Variants in PLEKHG7 observed in about 807,000 individuals in gnomAD.
The protein encoded by PLEKHG7 is pleckstrin homology domain-containing family G member 7.
PLEKHG7 carries 77 observed loss-of-function variants against 85.2 expected under a neutral mutation model. The observed-to-expected ratio is 0.90, with a 90% CI of 0.75 to 1.09. The LOEUF is 1.09. Among genes scored for constraint, PLEKHG7 ranks in the 50% least tolerant of loss-of-function variants. The pLI is 0.00. For synonymous variants in PLEKHG7, 301 were observed against 302.4 expected (o/e 1.00, Z 0.05); for missense variants, 777 against 804.3 (o/e 0.97, Z 0.41).
Position 92,727,962 on chromosome 12 carries a change from G to GTGTGTGTATA in PLEKHG7, c.531-1030_531-1029insGTGTGTATAT, listed in dbSNP as rs760170614. Among the ~76,000 whole-genome samples, 46 of 96,580 alleles carry GTGTGTGTATA rather than the reference G, an allele frequency of 4.8e-4. 4 individuals are homozygous for GTGTGTGTATA. In the South Asian group the frequency reaches 6.9e-3, roughly 15 times the overall value. The allele number at this position is 96,580 out of a possible 152,430, so 63.4% of individuals were successfully genotyped here. On this transcript the variant is annotated intron_variant, in intron 3 of 16. Transcript: ENST00000344636. ...TGTGTGTGTGTGTGTGTGTGTGTGT[G>GTGTGTGTATA]TATATATATATATACACATATATAC...
chr12:92,721,603 T>A (rs1008306727), intron 3 of PLEKHG7: 1 of 1,126,982 alleles, frequency 8.9e-7, no homozygotes, highest in Non-Finnish European at 1.1e-6. Context: ...TGTCCTGCTC[T>A]AGAGAGCTGC....
intron 3 of PLEKHG7, among the ~76,000 whole-genome samples, chr12:92,728,617 A>G (rs1871894109): frequency 6.6e-6 from 1 of 151,638 alleles, no homozygotes; most frequent in Non-Finnish European, 1.5e-5. Flanking sequence ...ATGTGTGTGT[A>G]TATACCACAT....
intron 15 of PLEKHG7, among the ~76,000 whole-genome samples, chr12:92,767,768 AAT>A (rs1213688236): frequency 5.3e-5 from 8 of 152,178 alleles, no homozygotes; most frequent in Admixed American, 2.0e-4. Context: ...AACAAATACA[AAT>A]AGTGACAGCA....
At chr12:92,709,235 T>C (rs1399889590) in intron 3 of PLEKHG7, among the ~76,000 whole-genome samples, 3 of 152,180 alleles carry the variant, frequency 2.0e-5, no homozygotes, top group South Asian at 2.1e-4. Flanking sequence ...TAAAAAGAAG[T>C]ATCTCAATGC....
At chr12:92,734,833 C>G (rs1872092391) in intron 5 of PLEKHG7, among the ~76,000 whole-genome samples, 1 of 152,320 alleles carries the variant, frequency 6.6e-6, no homozygotes, top group Middle Eastern at 3.4e-3. Context: ...CTCTTAGTTA[C>G]TAAGTTTGAG....
intron 10 of PLEKHG7, among the ~76,000 whole-genome samples, chr12:92,750,338 A>C (rs1249841534): frequency 6.6e-6 from 1 of 152,188 alleles, no homozygotes; most frequent in African/African-American, 2.4e-5. Flanking sequence ...ATGAAAGGAA[A>C]ACTTACAGCT....
At chr12:92,717,225 T>A (rs10777442) in intron 3 of PLEKHG7, among the ~76,000 whole-genome samples, 72,720 of 152,054 alleles carry the variant, frequency 0.48, 18,415 homozygotes, top group East Asian at 0.9. Context: ...ATTAAATACA[T>A]CCATATTAGC....
At chr12:92,760,046 G>A (rs762655697) in intron 13 of PLEKHG7, among the ~76,000 whole-genome samples, 1 of 152,152 alleles carries the variant, frequency 6.6e-6, no homozygotes, top group Non-Finnish European at 1.5e-5. Context: ...CAATATGTCT[G>A]TATTCTACCC....
At chr12:92,721,570 G>T in intron 3 of PLEKHG7, 2 of 1,111,780 alleles carry the variant, frequency 1.8e-6, no homozygotes, top group South Asian at 4.5e-5. Context: ...GGTGGGTGGG[G>T]GTGGGGAAAG....
At chr12:92,764,896 G>A (rs1873145190) in intron 15 of PLEKHG7, among the ~76,000 whole-genome samples, 1 of 152,106 alleles carries the variant, frequency 6.6e-6, no homozygotes, top group Admixed American at 6.5e-5. Flanking sequence ...GTTACTCAAG[G>A]CTTGAGTGGG....
At chr12:92,721,677 G>C (rs1428653664) in intron 3 of PLEKHG7, among the ~76,000 whole-genome samples, 1 of 32,746 alleles carries the variant, frequency 3.1e-5, no homozygotes, top group African/African-American at 1.1e-4. Context: ...CTGAAGCAAA[G>C]AACCAGAATA....
intron 7 of PLEKHG7, among the ~76,000 whole-genome samples, chr12:92,740,634 C>T (rs1008241412): frequency 1.3e-5 from 2 of 152,166 alleles, no homozygotes; most frequent in Non-Finnish European, 2.9e-5. Flanking sequence ...TTCACATAAG[C>T]AACCACAACT....
chr12:92,715,714 C>T (rs1361257541), intron 3 of PLEKHG7, among the ~76,000 whole-genome samples: 1 of 56,460 alleles, frequency 1.8e-5, no homozygotes, highest in African/African-American at 7.0e-5. Context: ...GGGTTCTTGC[C>T]TCAAAAAAAA....
intron 7 of PLEKHG7, among the ~76,000 whole-genome samples, chr12:92,738,559 G>T (rs1428569607): frequency 6.6e-6 from 1 of 152,188 alleles, no homozygotes; most frequent in Non-Finnish European, 1.5e-5. Context: ...AGTTTTTGTT[G>T]CAACCACTTA....
At chr12:92,729,237 C>T in intron 4 of PLEKHG7, 117 bp downstream of exon 4, 2 of 1,155,024 alleles carry the variant, frequency 1.7e-6, no homozygotes, top group East Asian at 3.2e-5. Flanking sequence ...TGACCTGTTA[C>T]AATCAGCCTC....
rs758712087 is a variant in PLEKHG7 at position 92,706,666 on chromosome 12, C to G, written c.35C>G (p.Pro12Arg). The G allele has an allele frequency of 6.2e-7, 1 of 1,613,612 alleles. No individual in the cohort carries two copies. The highest frequency in any genetic ancestry group is 1.1e-5 in the South Asian group (1 of 90,982). Reference protein sequence around the residue: ...EKTESFCPEVPPQDCGASPRP... With the variant: ...EKTESFCPEVRPQDCGASPRP... ...ACAGAGTCATTCTGTCCAGAGGTGC[C>G]ACCCCAAGACTGTGGAGCCTCTCCT... The change falls in exon 2 of 17, where the codon CCA (proline) becomes CGA (arginine). Residue 12 changes from proline (P) to arginine (R), a missense_variant. Physicochemically the swap from Pro to Arg is moderately radical, Grantham distance 103. Around this residue, in one of 3 missense-constraint regions of PLEKHG7, gnomAD observed 252 missense variants for 241.9 expected, o/e 1.04. Transcript: ENST00000344636.
At chr12:92,730,719 C>G (rs1871966112) in intron 4 of PLEKHG7, among the ~76,000 whole-genome samples, 1 of 152,214 alleles carries the variant, frequency 6.6e-6, no homozygotes, top group South Asian at 2.1e-4. Flanking sequence ...TGTGCCCAGC[C>G]AGCAGTCTTT....
At chr12:92,712,783 A>G (rs1228445189) in intron 3 of PLEKHG7, among the ~76,000 whole-genome samples, 3 of 152,150 alleles carry the variant, frequency 2.0e-5, no homozygotes, top group Non-Finnish European at 4.4e-5. Context: ...TGCCAATTAT[A>G]TACTCTGGTC....
chr12:92,706,994 A>G lies in PLEKHG7; in HGVS notation c.363A>G (p.Ser121=). 6.2e-7 allele frequency: 1 copy of G among 1,614,138 alleles called. No individual in the cohort carries two copies. Among genetic ancestry groups the G allele is most frequent in the Non-Finnish European group, 8.5e-7 (1 of 1,180,016 alleles). The change falls in exon 2 of 17, where the codon TCA becomes TCG. Residue 121 remains serine (S), a synonymous_variant. Transcript: ENST00000344636. ...EPERALNAAD[S]LEPQTRPTDK... is the part of the protein sequence containing the mutation. ...AAAGGGCCCTGAATGCAGCTGACTC[A>G]CTGGAGCCCCAAACCCGGCCCACTG... is the stretch of plus-strand genomic sequence containing the variant.
Sources: gnomAD v4.1 joint callset for allele counts (sites outside exome capture counted in the v4.1 genomes callset) on GRCh38, gnomAD v4.1.1 for gene constraint, gnomAD v4.1.1 regional missense constraint, MANE v1.5 for transcripts, NCBI Gene and HGNC (gene_info 2026-07-23, HGNC 2026-07-21) for gene names.